Variants in GABRA5 observed in about 807,000 individuals in gnomAD.
The protein encoded by GABRA5 is gamma-aminobutyric acid type A receptor subunit alpha5, also known as gamma-aminobutyric acid receptor subunit alpha-5.
A neutral mutation model predicts 47.3 loss-of-function variants in GABRA5; 18 were observed. That is an observed-to-expected ratio of 0.38 (90% CI 0.26 to 0.56). The LOEUF is 0.56. Among genes scored for constraint, GABRA5 ranks in the 20% least tolerant of loss-of-function variants. The pLI is 0.71. For synonymous variants in GABRA5, 237 were observed against 229.3 expected, an observed-to-expected ratio of 1.03 and a Z score of -0.30; for missense variants, 365 against 599.3, an observed-to-expected ratio of 0.61 and a Z score of 4.08.
chr15:26,913,182 C>CA (rs34449696), intron 6 of GABRA5, among the ~76,000 whole-genome samples: 8,813 of 115,258 alleles, frequency 0.076, 393 homozygotes, highest in East Asian at 0.21. Flanking sequence ...GACTCTGTCT[C>CA]AAAAAAAAAA....
intron 10 of GABRA5, among the ~76,000 whole-genome samples, chr15:26,944,720 C>T (rs1372987552): frequency 2.0e-5 from 3 of 152,140 alleles, no homozygotes; most frequent in East Asian, 1.9e-4. Flanking sequence ...TCTGGGGAGA[C>T]GGGGCTTCCC....
chr15:26,905,635 C>T lies in GABRA5; in HGVS notation c.498-9168C>T, dbSNP rs1352584056. Among the ~76,000 whole-genome samples, 4 of 151,742 alleles carry T rather than the reference C, an allele frequency of 2.6e-5. No individual in the cohort carries two copies. The East Asian group carries it at 5.8e-4, about 22-fold the overall frequency. On this transcript the variant is annotated intron_variant, in intron 6 of 10. Coordinates refer to ENST00000335625, the MANE Select transcript of GABRA5 (RefSeq NM_000810.4). The stretch of plus-strand genomic sequence containing the variant: ...TATCATTTGATACTGTTGATGGTGT[C>T]TTGTTAGTCTGTTAGACTCTGTTCA...
chr15:26,874,329 A>AC (rs1305919807), intron 3 of GABRA5, among the ~76,000 whole-genome samples: 3 of 151,488 alleles, frequency 2.0e-5, no homozygotes, highest in Non-Finnish European at 2.9e-5. Context: ...TTTTTTTTTA[A>AC]ATGCACTGTT....
At chr15:26,884,215 T>G (rs1365442134) in intron 6 of GABRA5, among the ~76,000 whole-genome samples, 1 of 151,978 alleles carries the variant, frequency 6.6e-6, no homozygotes, top group African/African-American at 2.4e-5. Context: ...AAGAAGGGAA[T>G]TTTTTATTTT....
At chr15:26,890,148 C>A (rs1892970182) in intron 6 of GABRA5, among the ~76,000 whole-genome samples, 1 of 152,042 alleles carries the variant, frequency 6.6e-6, no homozygotes, top group Non-Finnish European at 1.5e-5. Context: ...CATTCTGGTC[C>A]AAGCACCTAC....
rs1394747488 is a variant in GABRA5 at position 26,867,807 on chromosome 15, T to C, written c.-140+696T>C. 1 of 151,900 alleles carries C rather than the reference T, an allele frequency of 6.6e-6. No homozygotes were observed. Among genetic ancestry groups the C allele is most frequent in the Non-Finnish European group, 1.5e-5 (1 of 68,004 alleles). 9.4% of individuals were successfully genotyped at this position (151,900 alleles called of 1,614,324 possible). A position where few individuals can be genotyped will look rare whatever the true frequency, so the allele number is the denominator to read the frequency against. On this transcript the variant is annotated intron_variant, in intron 1 of 10. Coordinates refer to ENST00000335625, the MANE Select transcript of GABRA5 (RefSeq NM_000810.4). This position sits in a 1 kb window ranked among gnomAD's most constrained non-coding sequence, Gnocchi z 5.9. ...GGTGGACTCGGACCCCGCGGGGGTG[T>C]CGCGCGCGTGTCGCGCGGGCTGCTC...
chr15:26,891,825 C>T (rs145229918), intron 6 of GABRA5, among the ~76,000 whole-genome samples: 153 of 152,334 alleles, frequency 1.0e-3, no homozygotes, highest in African/African-American at 3.6e-3. Flanking sequence ...GCAGGCATCC[C>T]TCCCCTCCCG....
chr15:26,884,562 A>G (rs1322853720), intron 6 of GABRA5, among the ~76,000 whole-genome samples: 1 of 152,164 alleles, frequency 6.6e-6, no homozygotes, highest in African/African-American at 2.4e-5. Flanking sequence ...TCTTGCTACA[A>G]TTTTTCACGG....
At chr15:26,902,827 T>C (rs138077059) in intron 6 of GABRA5, among the ~76,000 whole-genome samples, 6 of 152,110 alleles carry the variant, frequency 3.9e-5, no homozygotes, top group African/African-American at 1.4e-4. Context: ...ATATTCCCAA[T>C]TTACTGAAAG....
intron 3 of GABRA5, among the ~76,000 whole-genome samples, chr15:26,871,185 C>G (rs1274124113): frequency 6.6e-6 from 1 of 152,174 alleles, no homozygotes; most frequent in Non-Finnish European, 1.5e-5. Flanking sequence ...CAGAGCAAGA[C>G]TTTGTCTCAA....
chr15:26,934,328 T>G (rs1047751594), intron 7 of GABRA5, among the ~76,000 whole-genome samples: 3 of 150,252 alleles, frequency 2.0e-5, no homozygotes, highest in Admixed American at 2.0e-4. Flanking sequence ...TGGGTTTAGA[T>G]AACTCAAACC....
intron 10 of GABRA5, among the ~76,000 whole-genome samples, chr15:26,944,194 C>T (rs1050352582): frequency 3.9e-5 from 6 of 152,166 alleles, no homozygotes; most frequent in Non-Finnish European, 7.3e-5. Context: ...ATTAGAGAGG[C>T]CTCGAAGTGT....
chr15:26,910,983 A>G lies in GABRA5; in HGVS notation c.498-3820A>G, dbSNP rs1054976158. 7.4e-4 allele frequency among the ~76,000 whole-genome samples: 113 copies of G among 152,188 alleles called. 1 individual carries two copies. Among genetic ancestry groups the G allele is most frequent in the African/African-American group, 2.7e-3 (112 of 41,448 alleles). ...CCCCATGAATAGAAGGCTTTCTTTC[A>G]CTGAGAGATACTTTTTGAGTATTAT... On this transcript the variant is annotated intron_variant, in intron 6 of 10. Transcript: ENST00000335625.
intron 7 of GABRA5, among the ~76,000 whole-genome samples, chr15:26,918,385 C>T (rs1435533931): frequency 6.6e-6 from 1 of 152,026 alleles, no homozygotes; most frequent in East Asian, 1.9e-4. Flanking sequence ...AAATTGATTA[C>T]ATTTGTTTTG....
At chr15:26,920,547 C>T (rs1346610690) in intron 7 of GABRA5, among the ~76,000 whole-genome samples, 18 of 152,070 alleles carry the variant, frequency 1.2e-4, no homozygotes, top group Admixed American at 9.2e-4. Flanking sequence ...ATTTTGAATT[C>T]TCTGTCAGAT....
chr15:26,920,052 T>G (rs900812363), intron 7 of GABRA5, among the ~76,000 whole-genome samples: 2 of 152,188 alleles, frequency 1.3e-5, no homozygotes, highest in Non-Finnish European at 2.9e-5. Context: ...TTTTGACAAT[T>G]TATTTAATGT....
chr15:26,936,445 A>G (rs915599537), intron 7 of GABRA5, among the ~76,000 whole-genome samples: 7 of 152,068 alleles, frequency 4.6e-5, no homozygotes, highest in African/African-American at 1.7e-4. Flanking sequence ...CCCTTTTGTC[A>G]TGCTTCTAAT....
In GABRA5 at chr15:26,937,177, T is replaced by A; in HGVS notation, c.581-8T>A. The A allele has an allele frequency of 6.2e-7, 1 of 1,613,904 alleles. No homozygotes were observed. The highest frequency in any genetic ancestry group is 8.5e-7 in the Non-Finnish European group (1 of 1,179,788). On this transcript the variant is annotated splice_region_variant and splice_polypyrimidine_tract_variant and intron_variant, in intron 7 of 10. Transcript: ENST00000335625. ...GTTTATGTCACTTTCTGCCCCCTCC[T>A]CATACAGATGCGTACCCTAATTCTG...
chr15:26,943,175 CT>C, intron 9 of GABRA5, 39 bp from the exon 10 acceptor site: 1 of 1,496,952 alleles, frequency 6.7e-7, no homozygotes, highest in Non-Finnish European at 9.0e-7. Context: ...GCACTGACCC[CT>C]GTTTCCGTTT....
Sources: gnomAD v4.1 joint callset for allele counts (sites outside exome capture counted in the v4.1 genomes callset) on GRCh38, gnomAD v4.1.1 for gene constraint, Gnocchi (gnomAD v3.1) non-coding constraint, MANE v1.5 for transcripts, NCBI Gene and HGNC (gene_info 2026-07-23, HGNC 2026-07-21) for gene names.